Variants in TSHZ3 observed in about 807,000 individuals in gnomAD.
TSHZ3 encodes the protein teashirt zinc finger homeobox 3.
A neutral mutation model predicts 64.5 loss-of-function variants in TSHZ3; 10 were observed. The ratio of observed to expected loss-of-function variants is 0.16; its 90% confidence interval spans 0.10 to 0.26. TSHZ3 has a LOEUF of 0.26. Among genes scored for constraint, TSHZ3 ranks in the 10% least tolerant of loss-of-function variants. The probability of loss-of-function intolerance (pLI) is 1.00; values close to 1 mark genes in which losing one functional copy is unlikely to be tolerated. For synonymous variants in TSHZ3, 608 were observed against 593.1 expected (o/e 1.03, Z -0.36); for missense variants, 1,242 against 1,421.7 (o/e 0.87, Z 2.03).
intron 4 of TSHZ3, among the ~76,000 whole-genome samples, chr19:31,218,332 A>C (rs1975358484): frequency 6.6e-6 from 1 of 152,166 alleles, no homozygotes; most frequent in Non-Finnish European, 1.5e-5. Flanking sequence ...AGGGAGATAC[A>C]ACTTAGAGCA....
intron 3 of TSHZ3, among the ~76,000 whole-genome samples, chr19:31,241,776 C>T (rs1975693219): frequency 6.6e-6 from 1 of 152,228 alleles, no homozygotes; most frequent in Non-Finnish European, 1.5e-5. Flanking sequence ...CCAGAAATCT[C>T]CTCACATGAG....
At chr19:31,181,223 G>A (rs1974709146) in intron 5 of TSHZ3, among the ~76,000 whole-genome samples, 1 of 152,094 alleles carries the variant, frequency 6.6e-6, no homozygotes, top group South Asian at 2.1e-4. Flanking sequence ...ATAAGAAGGT[G>A]TCTCATGATT....
chr19:31,259,238 A>C (rs1401191226), intron 1 of TSHZ3, among the ~76,000 whole-genome samples: 1 of 152,188 alleles, frequency 6.6e-6, no homozygotes, highest in African/African-American at 2.4e-5. Context: ...AAAGTAGAGG[A>C]GCTGTTCCTT....
downstream of TSHZ3, among the ~76,000 whole-genome samples, chr19:31,273,337 G>T (rs1436754854): frequency 2.1e-4 from 32 of 152,156 alleles, no homozygotes; most frequent in Admixed American, 2.1e-3. Context: ...AACGCCCAAG[G>T]TGTCAAACAA....
Position 31,278,291 on chromosome 19 carries a change from G to A in TSHZ3, c.1502C>T (p.Ser501Phe). ...PGEEEEKCDI[S>F]SKYHYLTEND... Reference sequence around the variant, plus strand: ...TTCAGTCAAGTAATGGTATTTGGAAGAGATGTCACACTTCTCCTCTTCTTC... The same window carrying A: ...TTCAGTCAAGTAATGGTATTTGGAAAAGATGTCACACTTCTCCTCTTCTTC... Residue 501 changes from serine to phenylalanine, a missense_variant, in exon 2 of 2, where the codon TCT (serine) becomes TTT (phenylalanine). Ser to Phe is a radical substitution (Grantham distance 155, BLOSUM62 -2). Coordinates refer to ENST00000240587, the MANE Select transcript of TSHZ3 (RefSeq NM_020856.4). This position sits in a 1 kb window ranked among gnomAD's most constrained non-coding sequence, Gnocchi z 4.7. 1 of 1,614,230 alleles carries A rather than the reference G, an allele frequency of 6.2e-7. No homozygotes were observed. The highest frequency in any genetic ancestry group is 8.5e-7 in the Non-Finnish European group (1 of 1,180,050).
intron 5 of TSHZ3, among the ~76,000 whole-genome samples, chr19:31,192,237 C>A (rs935932971): frequency 6.6e-6 from 1 of 152,090 alleles, no homozygotes; most frequent in Non-Finnish European, 1.5e-5. Flanking sequence ...AAAAGGGGAA[C>A]AAAAAGCAGA....
intron 1 of TSHZ3, among the ~76,000 whole-genome samples, chr19:31,291,406 C>A (rs1976562688): frequency 6.6e-6 from 1 of 152,188 alleles, no homozygotes; most frequent in Non-Finnish European, 1.5e-5. Flanking sequence ...CCCTCCCTTC[C>A]CAGCACTCTT....
At chr19:31,257,942 A>T (rs1568361562) in intron 1 of TSHZ3, among the ~76,000 whole-genome samples, 1 of 152,218 alleles carries the variant, frequency 6.6e-6, no homozygotes, top group Non-Finnish European at 1.5e-5. Flanking sequence ...CTTGGAGCCA[A>T]GCATTCCAGG....
intron 1 of TSHZ3, among the ~76,000 whole-genome samples, chr19:31,261,127 G>T (rs902387209): frequency 6.6e-6 from 1 of 152,046 alleles, no homozygotes; most frequent in African/African-American, 2.4e-5. Context: ...CAGTACAATG[G>T]GTGCTCAGGG....
chr19:31,328,575 A>C (rs1916989896), intron 1 of TSHZ3, among the ~76,000 whole-genome samples: 1 of 152,244 alleles, frequency 6.6e-6, no homozygotes, highest in Non-Finnish European at 1.5e-5. Context: ...AGAAGTTCTG[A>C]GAACATCTTA....
intron 1 of TSHZ3, among the ~76,000 whole-genome samples, chr19:31,316,356 C>G (rs986355618): frequency 2.0e-5 from 3 of 152,180 alleles, no homozygotes; most frequent in African/African-American, 7.2e-5. Context: ...AAGGGGAAGA[C>G]GGCACCTCTA....
At chr19:31,189,130 C>T (rs1464819989) in intron 5 of TSHZ3, among the ~76,000 whole-genome samples, 6 of 151,500 alleles carry the variant, frequency 4.0e-5, no homozygotes, top group Admixed American at 2.0e-4. Flanking sequence ...TTTTTATTAC[C>T]AACCCTGGAA....
intron 1 of TSHZ3, among the ~76,000 whole-genome samples, chr19:31,339,226 A>G (rs377270468): frequency 1.2e-4 from 18 of 150,230 alleles, no homozygotes; most frequent in Non-Finnish European, 2.1e-4. Flanking sequence ...ACTAATGGGG[A>G]AAAAAAAAGG....
exon 7 of TSHZ3, among the ~76,000 whole-genome samples, chr19:31,150,650 C>T (rs1343159988): frequency 6.6e-6 from 1 of 152,208 alleles, no homozygotes; most frequent in Non-Finnish European, 1.5e-5. Context: ...TTTTTTGCAG[C>T]ACATATTTCA....
chr19:31,266,875 A>G (rs1400469152), intron 1 of TSHZ3, among the ~76,000 whole-genome samples: 1 of 152,166 alleles, frequency 6.6e-6, no homozygotes, highest in East Asian at 1.9e-4. Context: ...GGTTTCCGCC[A>G]AGGAGAGGGC....
chr19:31,226,718 A>C (rs147440259), intron 4 of TSHZ3, among the ~76,000 whole-genome samples: 2 of 152,236 alleles, frequency 1.3e-5, no homozygotes, highest in African/African-American at 4.8e-5. Context: ...TCAAGACATA[A>C]GGTGACCATA....
At chr19:31,229,985 A>T (rs1975517555) in intron 3 of TSHZ3, among the ~76,000 whole-genome samples, 1 of 152,202 alleles carries the variant, frequency 6.6e-6, no homozygotes, top group Non-Finnish European at 1.5e-5. Flanking sequence ...TCTAGAGGGT[A>T]ACTTGGCAAA....
intron 1 of TSHZ3, among the ~76,000 whole-genome samples, chr19:31,297,771 T>C (rs898384232): frequency 3.9e-5 from 6 of 152,182 alleles, no homozygotes. Flanking sequence ...AACTTTCTGC[T>C]TCTAATGCAA....
At chr19:31,243,824 G>A (rs1263699875) in intron 1 of TSHZ3, among the ~76,000 whole-genome samples, 2 of 152,118 alleles carry the variant, frequency 1.3e-5, no homozygotes, top group African/African-American at 4.8e-5. Flanking sequence ...TTCCTCATCT[G>A]CATTTGGAAA....
Sources: allele counts gnomAD v4.1 joint callset (sites outside exome capture counted in the v4.1 genomes callset), GRCh38; gene constraint gnomAD v4.1.1; non-coding constraint Gnocchi (gnomAD v3.1); transcripts MANE v1.5; gene names NCBI Gene and HGNC (gene_info 2026-07-23, HGNC 2026-07-21).